GSE1: variants seen among roughly 807,000 people sequenced by gnomAD.
GSE1 encodes the protein Gse1 coiled-coil protein, also known as genetic suppressor element 1.
Under a neutral mutation model 112.6 loss-of-function variants are expected in GSE1, and 32 were observed. The ratio of observed to expected loss-of-function variants is 0.28; its 90% CI spans 0.21 to 0.38. The LOEUF is 0.38. Among genes scored for constraint, GSE1 ranks in the 10% least tolerant of loss-of-function variants. The pLI is 1.00. For missense variants in GSE1, 2,348 were observed against 1,699.2 expected (o/e 1.38, Z -6.71); for synonymous variants, 1,115 against 735.6 (o/e 1.52, Z -8.35).
intron 2 of GSE1, among the ~76,000 whole-genome samples, chr16:85,481,159 G>C (rs981178339): frequency 1.3e-5 from 2 of 152,218 alleles, no homozygotes; most frequent in African/African-American, 4.8e-5. Context: ...AAGCAGCTGA[G>C]GTCAGAGCCA....
intron 1 of GSE1, among the ~76,000 whole-genome samples, chr16:85,188,418 C>T (rs902848776): frequency 6.6e-5 from 10 of 152,190 alleles, no homozygotes; most frequent in African/African-American, 2.4e-4. Context: ...TCCGTTCTCA[C>T]TGTTCTGGAG....
chr16:85,272,943 A>G (rs928586167), intron 1 of GSE1, among the ~76,000 whole-genome samples: 2 of 152,040 alleles, frequency 1.3e-5, no homozygotes, highest in African/African-American at 4.8e-5. Flanking sequence ...TGCCCGGCTA[A>G]CTTTGTATTT....
chr16:85,471,900 C>A (rs141558863), intron 2 of GSE1, among the ~76,000 whole-genome samples: 1 of 152,330 alleles, frequency 6.6e-6, no homozygotes, highest in East Asian at 1.9e-4. Context: ...TAAGTGCCCA[C>A]TTGTGGCTGG....
intron 1 of GSE1, among the ~76,000 whole-genome samples, chr16:85,572,512 C>A (rs12932276): frequency 2.4e-4 from 36 of 151,242 alleles, no homozygotes; most frequent in Admixed American, 5.9e-4. Context: ...CCACACACAC[C>A]ACACACACAC....
intron 1 of GSE1, among the ~76,000 whole-genome samples, chr16:85,591,139 T>C (rs1046584438): frequency 4.6e-5 from 7 of 152,290 alleles, no homozygotes; most frequent in Non-Finnish European, 8.8e-5. Context: ...GGTGGCAAAA[T>C]TGGGGTCCTT....
exon 1 of GSE1, chr16:85,171,257 T>A: frequency 2.0e-6 from 2 of 985,566 alleles, no homozygotes; most frequent in African/African-American, 3.5e-5. Flanking sequence ...GACCCTGCCC[T>A]CTCCGAGCTG....
chr16:85,280,562 A>G (rs548029661), intron 1 of GSE1, among the ~76,000 whole-genome samples: 119 of 152,114 alleles, frequency 7.8e-4, no homozygotes, highest in Non-Finnish European at 1.2e-3. Flanking sequence ...TACCTGGCCA[A>G]TTTTTGTGTC....
rs572573198 is a variant in GSE1 at position 85,587,173 on chromosome 16, C to G, written c.37+30810C>G. On this transcript the variant is annotated intron_variant, in intron 1 of 2. Transcript: ENST00000635906. ...CGCTCTGGTCTGAGGACGAAACCCC[C>G]CCCCCCCCAGACCAGACCCCATGGT... Among the ~76,000 whole-genome samples, 192 of 150,248 alleles carry G rather than the reference C, an allele frequency of 1.3e-3. 3 individuals are homozygous for G. The highest frequency in any genetic ancestry group is 4.1e-3 in the African/African-American group (169 of 41,254).
intron 3 of GSE1, among the ~76,000 whole-genome samples, chr16:85,652,318 C>G (rs1380111105): frequency 6.6e-6 from 1 of 152,242 alleles, no homozygotes. Flanking sequence ...CCCCACTACC[C>G]CGGTTGCTGA....
chr16:85,655,950 C>G, intron 6 of GSE1, 33 bp downstream of exon 6: 1 of 1,531,444 alleles, frequency 6.5e-7, no homozygotes, highest in Non-Finnish European at 8.9e-7. Context: ...AGCCCCTCTG[C>G]CCTCCCTGTC....
chr16:85,322,310 A>AGGT (rs2046125649), intron 1 of GSE1, among the ~76,000 whole-genome samples: 1 of 152,026 alleles, frequency 6.6e-6, no homozygotes, highest in Non-Finnish European at 1.5e-5. Flanking sequence ...GCGGGGGGGA[A>AGGT]GGTGGCAGTG....
Position 85,373,386 on chromosome 16 carries a change from A to G in GSE1, c.2464+15743A>G, listed in dbSNP as rs1206517815. On this transcript the variant is annotated intron_variant, in intron 2 of 2. Transcript: ENST00000637419. This position sits in a 1 kb window ranked among gnomAD's most constrained non-coding sequence, Gnocchi z 5.1. ...GTGTCTCTGGTGTCTTCTCTTGTCA[A>G]ACAGACAAAAAATGGAAAGAAAGCA... 2.0e-5 allele frequency among the ~76,000 whole-genome samples: 3 copies of G among 152,132 alleles called. No homozygotes were observed. Among genetic ancestry groups the G allele is most frequent in the African/African-American group, 7.2e-5 (3 of 41,424 alleles).
intron 4 of GSE1, among the ~76,000 whole-genome samples, 171 bp downstream of exon 4, chr16:85,654,621 G>A (rs943244693): frequency 1.3e-5 from 2 of 152,160 alleles, no homozygotes; most frequent in Admixed American, 6.5e-5. Flanking sequence ...TCACACTGAG[G>A]TGGCAGTGGC....
At chr16:85,378,618 T>A (rs1013016654) in intron 2 of GSE1, among the ~76,000 whole-genome samples, 3 of 152,176 alleles carry the variant, frequency 2.0e-5, no homozygotes, top group Non-Finnish European at 4.4e-5. Context: ...ATTTTTTGAA[T>A]CCTCCCATGG....
At chr16:85,623,868 T>G (rs2048895332) in intron 1 of GSE1, among the ~76,000 whole-genome samples, 1 of 152,198 alleles carries the variant, frequency 6.6e-6, no homozygotes, top group Non-Finnish European at 1.5e-5. Context: ...TTTGAGCACC[T>G]GTTGGTGTCC....
At chr16:85,185,259 G>C (rs1725463847) in intron 1 of GSE1, 1 of 152,268 alleles carries the variant, frequency 6.6e-6, no homozygotes, top group South Asian at 2.1e-4. Flanking sequence ...CTTGCCCAAG[G>C]CCACACAGGT....
At chr16:85,205,763 G>C (rs948379730) in intron 1 of GSE1, among the ~76,000 whole-genome samples, 3 of 152,178 alleles carry the variant, frequency 2.0e-5, no homozygotes, top group African/African-American at 7.2e-5. Context: ...CGGGACCCAG[G>C]GGCCCATCTG....
intron 1 of GSE1, among the ~76,000 whole-genome samples, chr16:85,586,009 G>A (rs563488280): frequency 1.8e-4 from 28 of 152,166 alleles, no homozygotes; most frequent in Non-Finnish European, 3.2e-4. Context: ...GGAGGTGCAG[G>A]TTCACCCCAA....
At chr16:85,275,222 A>T (rs1266070746) in intron 1 of GSE1, among the ~76,000 whole-genome samples, 2 of 152,180 alleles carry the variant, frequency 1.3e-5, no homozygotes, top group African/African-American at 4.8e-5. Flanking sequence ...AGGCCTCCGA[A>T]CTGGAGGAGA....
Sources: gnomAD v4.1 joint callset for allele counts (sites outside exome capture counted in the v4.1 genomes callset) on GRCh38, gnomAD v4.1.1 for gene constraint, Gnocchi (gnomAD v3.1) non-coding constraint, MANE v1.5 for transcripts, NCBI Gene and HGNC (gene_info 2026-07-23, HGNC 2026-07-21) for gene names.